Variants in NEGR1 observed in about 807,000 individuals in gnomAD.
The protein encoded by NEGR1 is IgLON family member 4.
In NEGR1, 10 loss-of-function variants were observed where a neutral mutation model predicts 40.9. That is an observed-to-expected ratio of 0.24 (90% CI 0.15 to 0.42). The LOEUF is 0.42. Ranked by LOEUF, NEGR1 falls within the 10% of genes least tolerant of loss-of-function variation. NEGR1 has a pLI of 1.00. For synonymous variants in NEGR1, 185 were observed against 166.8 expected (o/e 1.11, Z -0.84); for missense variants, 352 against 438.9 (o/e 0.80, Z 1.77).
At chr1:72,147,925 G>T (rs7515320) in intron 1 of NEGR1, among the ~76,000 whole-genome samples, 62,981 of 151,586 alleles carry the variant, frequency 0.42, 14,204 homozygotes, top group Admixed American at 0.55. Flanking sequence ...GGTCTTGGGT[G>T]GCTCCACGCC....
chr1:72,226,962 C>G (rs942337405), intron 1 of NEGR1, among the ~76,000 whole-genome samples: 1 of 151,950 alleles, frequency 6.6e-6, no homozygotes, highest in African/African-American at 2.4e-5. Context: ...AAGCTGATCT[C>G]TTTCAGAACA....
intron 6 of NEGR1, among the ~76,000 whole-genome samples, chr1:71,472,106 C>G (rs762773849): frequency 8.5e-5 from 13 of 152,130 alleles, no homozygotes; most frequent in Non-Finnish European, 1.8e-4. Flanking sequence ...AAATATACAA[C>G]TAAACATTTG....
At chr1:72,036,881 A>G (rs981907800) in intron 1 of NEGR1, among the ~76,000 whole-genome samples, 1 of 152,048 alleles carries the variant, frequency 6.6e-6, no homozygotes, top group Non-Finnish European at 1.5e-5. Flanking sequence ...TGAGATATAA[A>G]TATATATATC....
intron 2 of NEGR1, among the ~76,000 whole-genome samples, chr1:71,923,258 G>T (rs1645737240): frequency 6.6e-6 from 1 of 152,064 alleles, no homozygotes; most frequent in African/African-American, 2.4e-5. Flanking sequence ...TCAACTAGGG[G>T]TGATTTTCGC....
chr1:71,654,244 A>T (rs764143140), intron 4 of NEGR1, among the ~76,000 whole-genome samples: 28 of 152,042 alleles, frequency 1.8e-4, no homozygotes, highest in Non-Finnish European at 4.4e-5. Flanking sequence ...TAAGGCAACA[A>T]AACTATTCTG....
At chr1:71,736,607 T>C (rs1234805429) in intron 3 of NEGR1, among the ~76,000 whole-genome samples, 6 of 152,182 alleles carry the variant, frequency 3.9e-5, no homozygotes, top group African/African-American at 1.4e-4. Flanking sequence ...CTTTCAGGTT[T>C]CCTCAAGTCA....
chr1:72,133,433 G>GA (rs1434763416), intron 1 of NEGR1, among the ~76,000 whole-genome samples: 1 of 151,950 alleles, frequency 6.6e-6, no homozygotes, highest in African/African-American at 2.4e-5. Flanking sequence ...GAAAAAATAG[G>GA]AAAAACTATT....
At chr1:71,787,707 T>A (rs571817350) in intron 2 of NEGR1, among the ~76,000 whole-genome samples, 2 of 152,274 alleles carry the variant, frequency 1.3e-5, no homozygotes, top group Admixed American at 1.3e-4. Flanking sequence ...AAAGTCTACA[T>A]GGTTTATGAA....
intron 6 of NEGR1, among the ~76,000 whole-genome samples, chr1:71,469,033 A>T (rs577311379): frequency 5.3e-5 from 8 of 152,166 alleles, no homozygotes; most frequent in Non-Finnish European, 1.2e-4. Flanking sequence ...AAACATCGTA[A>T]AGAGGTTGTA....
Position 71,501,641 on chromosome 1 carries a change from A to C in NEGR1, c.940+91176T>G, listed in dbSNP as rs921931205. On this transcript the variant is annotated intron_variant, in intron 6 of 6. Coordinates refer to ENST00000357731, the MANE Select transcript of NEGR1 (RefSeq NM_173808.3). Reference sequence around the variant, plus strand: ...TAAAGATATCAATGATTCTATGTCGATACAAGTATGTCCACTCACTGGTGA... The same window carrying C: ...TAAAGATATCAATGATTCTATGTCGCTACAAGTATGTCCACTCACTGGTGA... 1.1e-4 allele frequency among the ~76,000 whole-genome samples: 16 copies of C among 152,302 alleles called. 1 individual carries two copies. The South Asian group carries it at 3.1e-3, about 30-fold the overall frequency.
intron 6 of NEGR1, among the ~76,000 whole-genome samples, chr1:71,451,325 T>C (rs796129921): frequency 9.7e-5 from 13 of 133,532 alleles, no homozygotes; most frequent in African/African-American, 3.3e-4. Context: ...CACACAGTAG[T>C]GCTACAGATT....
At chr1:71,625,142 T>C (rs764839204) in intron 4 of NEGR1, among the ~76,000 whole-genome samples, 2 of 152,074 alleles carry the variant, frequency 1.3e-5, no homozygotes, top group Admixed American at 6.6e-5. Context: ...AACATTTTTG[T>C]AGTATTATCA....
At chr1:72,265,284 T>C (rs1002735924) in intron 1 of NEGR1, among the ~76,000 whole-genome samples, 7 of 150,982 alleles carry the variant, frequency 4.6e-5, no homozygotes, top group Admixed American at 3.3e-4. Flanking sequence ...ACTCTTTCAT[T>C]AGGAAGATAG....
chr1:72,279,811 T>A (rs1324155433), intron 1 of NEGR1, among the ~76,000 whole-genome samples: 1 of 152,116 alleles, frequency 6.6e-6, no homozygotes, highest in Non-Finnish European at 1.5e-5. Context: ...TAACTGACAA[T>A]ATTTAACATT....
At chr1:72,204,408 C>T (rs1388694985) in intron 1 of NEGR1, among the ~76,000 whole-genome samples, 16 of 151,908 alleles carry the variant, frequency 1.1e-4, no homozygotes, top group Non-Finnish European at 7.4e-5. Context: ...AGAGGTAAGC[C>T]ATCAGCCAAT....
chr1:72,111,329 T>C (rs1649363834), intron 1 of NEGR1, among the ~76,000 whole-genome samples: 1 of 151,668 alleles, frequency 6.6e-6, no homozygotes, highest in African/African-American at 2.4e-5. Flanking sequence ...TAAAGAGTAT[T>C]AGCTATTATA....
At chr1:71,570,149 G>A (rs1244865464) in intron 6 of NEGR1, among the ~76,000 whole-genome samples, 1 of 152,138 alleles carries the variant, frequency 6.6e-6, no homozygotes, top group Non-Finnish European at 1.5e-5. Context: ...GGGAGTCCAT[G>A]ATTTAAAAGA....
At chr1:71,828,091 T>C (rs931539835) in intron 2 of NEGR1, among the ~76,000 whole-genome samples, 7 of 151,950 alleles carry the variant, frequency 4.6e-5, no homozygotes, top group Non-Finnish European at 7.4e-5. Flanking sequence ...TATAATACTG[T>C]GAAATAACTG....
chr1:71,961,020 T>G (rs1646161574), intron 1 of NEGR1, among the ~76,000 whole-genome samples: 1 of 152,172 alleles, frequency 6.6e-6, no homozygotes, highest in African/African-American at 2.4e-5. Flanking sequence ...ACAAATAAAT[T>G]ATTATAGCAA....
Sources: allele counts gnomAD v4.1 joint callset (sites outside exome capture counted in the v4.1 genomes callset), GRCh38; gene constraint gnomAD v4.1.1; transcripts MANE v1.5; gene names NCBI Gene and HGNC (gene_info 2026-07-23, HGNC 2026-07-21).